ZNF677: variants seen among roughly 807,000 people sequenced by gnomAD.
The protein encoded by ZNF677 is zinc finger protein 677, also known as hypothetical protein MGC48625.
Under a neutral mutation model 8.1 loss-of-function variants are expected in ZNF677, and 5 were observed. The observed-to-expected ratio is 0.62, with a 90% CI of 0.32 to 1.29. The LOEUF is 1.29. Among genes scored for constraint, ZNF677 ranks in the 50% most tolerant of loss-of-function variants. The probability of loss-of-function intolerance (pLI) is 0.05; values close to 1 mark genes in which losing one functional copy is unlikely to be tolerated. For missense variants in ZNF677, 685 were observed against 685.9 expected, an observed-to-expected ratio of 1.00 and a Z score of 0.01; for synonymous variants, 221 against 225.6, an observed-to-expected ratio of 0.98 and a Z score of 0.18.
intron 4 of ZNF677, chr19:53,243,394 A>C: frequency 2.7e-6 from 1 of 368,386 alleles, no homozygotes; most frequent in Non-Finnish European, 4.8e-6. Flanking sequence ...TAGTCAACGG[A>C]CTGCCTTCTT....
chr19:53,240,155 ATTC>A (rs1208784972), intron 4 of ZNF677: 2 of 152,280 alleles, frequency 1.3e-5, no homozygotes, highest in African/African-American at 2.4e-5. Context: ...AGCAGGAGTC[ATTC>A]TTTACACAGT....
At chr19:53,248,125 A>C (rs748446878) in intron 3 of ZNF677, among the ~76,000 whole-genome samples, 3 of 151,770 alleles carry the variant, frequency 2.0e-5, no homozygotes, top group Non-Finnish European at 2.9e-5. Context: ...CATTTTTGTT[A>C]TTTTCTTAAC....
rs554896486 is a variant in ZNF677, at chr19:53,243,633, T to C, written c.169+111A>G. On this transcript the variant is annotated intron_variant, in intron 4 of 4. Transcript: ENST00000598513. ...CATTATGAAGCCTTTCCACTCTCAA[T>C]CAAAAAGTTTCAATCTCCCCTTTTA... is the stretch of plus-strand genomic sequence containing the variant. 3 of 1,437,204 alleles carry C rather than the reference T, an allele frequency of 2.1e-6. No homozygotes were observed. In the African/African-American group the frequency reaches 4.3e-5, roughly 20 times the overall value. 89.0% of individuals were successfully genotyped at this position (1,437,204 alleles called of 1,614,324 possible). A position where few individuals can be genotyped will look rare whatever the true frequency, so the allele number is the denominator to read the frequency against.
chr19:53,247,639 C>G (rs1209302797), intron 3 of ZNF677, among the ~76,000 whole-genome samples: 1 of 152,040 alleles, frequency 6.6e-6, no homozygotes, highest in African/African-American at 2.4e-5. Context: ...AATTTTTGTT[C>G]CAAAATATTT....
chr19:53,251,168 T>C (rs2091227756), intron 3 of ZNF677, among the ~76,000 whole-genome samples: 5 of 152,160 alleles, frequency 3.3e-5, no homozygotes, highest in Admixed American at 1.3e-4. Flanking sequence ...CACATTAATA[T>C]ATCACTTCCA....
At chr19:53,246,509 C>T (rs894125609) in intron 3 of ZNF677, among the ~76,000 whole-genome samples, 2 of 151,258 alleles carry the variant, frequency 1.3e-5, no homozygotes, top group African/African-American at 4.9e-5. Context: ...CACACACACA[C>T]ACACACACAC....
rs759270094 is a variant in ZNF677, at chr19:53,238,158, T to C, written c.569A>G (p.Lys190Arg). Residue 190 changes from lysine (K) to arginine (R), a missense_variant, in exon 5 of 5, where the codon AAA becomes AGA. Coordinates refer to ENST00000598513, the MANE Select transcript of ZNF677 (RefSeq NM_182609.4). ...GNKYVKCFEN[K>R]IGLSLQAQLA... ...CTGTGCCTGTAAGCTTAATCCAATT[T>C]TATTTTCAAAACACTTCACGTATTT... 1 of 1,613,158 alleles carries C rather than the reference T, an allele frequency of 6.2e-7. No homozygotes were observed. The highest frequency in any genetic ancestry group is 8.5e-7 in the Non-Finnish European group (1 of 1,179,572).
chr19:53,253,906 C>T (rs190441189), intron 1 of ZNF677, among the ~76,000 whole-genome samples: 2 of 152,184 alleles, frequency 1.3e-5, no homozygotes, highest in Admixed American at 6.5e-5. Flanking sequence ...TTTGCAAAAG[C>T]AGCATACGGT....
At position 53,238,176 on chromosome 19, in the gene ZNF677, A is replaced by G. The variant is rs544594878; in HGVS notation, c.551T>C (p.Val184Ala). 8.7e-6 allele frequency: 14 copies of G among 1,613,564 alleles called. No individual in the cohort carries two copies. The Admixed American group carries it at 2.3e-4, about 27-fold the overall frequency. ...NNIRYAGNKYVKCFENKIGLS... is the reference protein window; with the variant it reads ...NNIRYAGNKYAKCFENKIGLS... ...TCCAATTTTATTTTCAAAACACTTC[A>G]CGTATTTGTTTCCGGCATACCTTAT... The change falls in exon 5 of 5, where the codon GTG (valine) becomes GCG (alanine). Residue 184 changes from valine (V) to alanine (A), a missense_variant. Coordinates refer to ENST00000598513, the MANE Select transcript of ZNF677 (RefSeq NM_182609.4).
intron 4 of ZNF677, chr19:53,239,777 T>G (rs1474459906): frequency 6.6e-6 from 1 of 152,204 alleles, no homozygotes; most frequent in African/African-American, 2.4e-5. Context: ...ATGTAAATCC[T>G]CTTGAGGTAA....
Position 53,237,300 on chromosome 19 carries a change from C to A in ZNF677, c.1427G>T (p.Gly476Val). The A allele has an allele frequency of 6.2e-7, 1 of 1,613,588 alleles. No homozygotes were observed. Among genetic ancestry groups the A allele is most frequent in the Non-Finnish European group, 8.5e-7 (1 of 1,179,822 alleles). ...CTCTCCAGTATGAGTTCTCTGATGA[C>A]CCCAAAGGTGTGAACGTTTGATAAA... ...KAFIKRSHLWGHQRTHTGEKP... is the reference protein window; with the variant it reads ...KAFIKRSHLWVHQRTHTGEKP... Residue 476 changes from glycine to valine, a missense_variant, in exon 5 of 5, where the codon GGT (glycine) becomes GTT (valine). By Grantham distance (109) the Gly-to-Val change is moderately radical. Transcript: ENST00000598513.
chr19:53,238,521 G>T lies in ZNF677; in HGVS notation c.206C>A (p.Pro69Gln). 1 of 1,588,948 alleles carries T rather than the reference G, an allele frequency of 6.3e-7. No individual in the cohort carries two copies. The highest frequency in any genetic ancestry group is 1.2e-5 in the South Asian group (1 of 86,306). The change falls in exon 5 of 5, where the codon CCA becomes CAA. Residue 69 changes from proline to glutamine, a missense_variant. Transcript: ENST00000598513. ...TAATTCCTCTTTATTATTTTCCTTT[G>T]GTGATAATCCCTTGCTTGTAAATCC... is the stretch of plus-strand genomic sequence containing the variant. ...SVGFTSKGLSPKENNKEELYH... is the reference protein window; with the variant it reads ...SVGFTSKGLSQKENNKEELYH...
chr19:53,237,868 CAG>C lies in ZNF677; in HGVS notation c.857_858del (p.Ser286TrpfsTer8), dbSNP rs748285763. 1.9e-6 allele frequency: 3 copies of C among 1,613,612 alleles called. No individual in the cohort carries two copies. In the African/African-American group the frequency reaches 4.0e-5, roughly 22 times the overall value. ...SNLTNHQRIH[S>X]GQRPYKCNEC... Reference sequence around the variant, plus strand: ...TCGTTACATTTGTAAGGTCTCTGTCCAGAGTGAATTCTCTGATGATTAGTGAG... The same window carrying C: ...TCGTTACATTTGTAAGGTCTCTGTCCAGTGAATTCTCTGATGATTAGTGAG... On this transcript the variant is annotated frameshift_variant, in exon 5 of 5. Transcript: ENST00000598513. LOFTEE classifies it low-confidence loss of function (END_TRUNC).
chr19:53,254,277 C>A (rs1390378625), intron 1 of ZNF677, among the ~76,000 whole-genome samples: 1 of 151,382 alleles, frequency 6.6e-6, no homozygotes. Context: ...TGTTTCTTTC[C>A]TTTTCTTTTT....
rs767297855 is a variant in ZNF677 at position 53,243,727 on chromosome 19, T to G, written c.169+17A>C. 27 of 1,613,794 alleles carry G rather than the reference T, an allele frequency of 1.7e-5. No individual in the cohort carries two copies. The highest frequency in any genetic ancestry group is 8.5e-6 in the Non-Finnish European group (10 of 1,179,948). On this transcript the variant is annotated intron_variant, in intron 4 of 4. Transcript: ENST00000598513. ...AGACTCACAAGGAAAAATGTAAAGA[T>G]GTACAAGGGTGGTTACCATCTTCTG...
At position 53,235,881 on chromosome 19, in the gene ZNF677, A is replaced by C. The variant is rs2090968741; in HGVS notation, c.*1091T>G. On this transcript the variant is annotated 3_prime_UTR_variant, in exon 5 of 5. Transcript: ENST00000598513. ...TTCTGGCACAAACCCCCATGCTCTTATAGTATATTGTATATTAGTGTTCTT... is the reference window on the plus strand; with the variant it reads ...TTCTGGCACAAACCCCCATGCTCTTCTAGTATATTGTATATTAGTGTTCTT... 1.4e-4 allele frequency: 21 copies of C among 152,258 alleles called. 1 individual carries two copies. Among genetic ancestry groups the C allele is most frequent in the Admixed American group, 1.4e-3 (21 of 15,282 alleles). The allele number at this position is 152,258 out of a possible 1,614,324, so 9.4% of individuals were successfully genotyped here.
rs1212025707 is a variant in ZNF677 at position 53,237,406 on chromosome 19, T to A, written c.1321A>T (p.Ile441Phe). ...TGTTCCACAAGACTTGAACTTTGGA[T>A]AAAAGCCCTGCCACACACATTACAT... is the stretch of plus-strand genomic sequence containing the variant. ...HKCNVCGRAFIQSSSLVEHQR... is the reference protein window; with the variant it reads ...HKCNVCGRAFFQSSSLVEHQR... The change falls in exon 5 of 5, where the codon ATC becomes TTC. Residue 441 changes from isoleucine (I) to phenylalanine (F), a missense_variant. Coordinates refer to ENST00000598513, the MANE Select transcript of ZNF677 (RefSeq NM_182609.4). The A allele has an allele frequency of 1.9e-6, 3 of 1,614,076 alleles. No homozygotes were observed. The highest frequency in any genetic ancestry group is 1.3e-5 in the African/African-American group (1 of 75,034).
Position 53,238,266 on chromosome 19 carries a change from C to T in ZNF677, c.461G>A (p.Ser154Asn). ...GTCATGGATGAAATACTGGTGTGCACTATCTCTTATAGAAACACTCTGCTT... is the reference window on the plus strand; with the variant it reads ...GTCATGGATGAAATACTGGTGTGCATTATCTCTTATAGAAACACTCTGCTT... Reference protein sequence around the residue: ...SLKQSVSIRDSAHQYFIHDKP... With the variant: ...SLKQSVSIRDNAHQYFIHDKP... Residue 154 changes from serine (S) to asparagine (N), a missense_variant, in exon 5 of 5, where the codon AGT becomes AAT. By Grantham distance (46) the Ser-to-Asn change is conservative. Coordinates refer to ENST00000598513, the MANE Select transcript of ZNF677 (RefSeq NM_182609.4). The T allele has an allele frequency of 1.2e-6, 2 of 1,613,996 alleles. No individual in the cohort carries two copies. The highest frequency in any genetic ancestry group is 1.3e-5 in the African/African-American group (1 of 75,038).
intron 1 of ZNF677, among the ~76,000 whole-genome samples, chr19:53,254,206 C>T (rs543034321): frequency 6.6e-6 from 1 of 152,034 alleles, no homozygotes; most frequent in African/African-American, 2.4e-5. Flanking sequence ...GGTGCCCCCC[C>T]CTTTCTCCAC....
Sources: allele counts gnomAD v4.1 joint callset (sites outside exome capture counted in the v4.1 genomes callset), GRCh38; gene constraint gnomAD v4.1.1; transcripts MANE v1.5; gene names NCBI Gene and HGNC (gene_info 2026-07-23, HGNC 2026-07-21).